The following CDH12 variants were observed in gnomAD, a reference collection of about 807,000 sequenced individuals.
CDH12 encodes cadherin 12.
In CDH12, 41 loss-of-function variants were observed where a neutral mutation model predicts 74.1. That is an observed-to-expected ratio of 0.55 (90% CI 0.43 to 0.72). The LOEUF (loss-of-function observed/expected upper bound fraction) is 0.72, where lower values mean the gene tolerates loss of function less well. CDH12 is among the 30% of genes least tolerant of loss of function. CDH12 has a pLI of 0.00. For missense variants in CDH12, 945 were observed against 977.2 expected (o/e 0.97, Z 0.44); for synonymous variants, 399 against 355.0 (o/e 1.12, Z -1.39).
chr5:22,424,498 TG>T (rs995662962), intron 2 of CDH12, among the ~76,000 whole-genome samples: 1 of 152,158 alleles, frequency 6.6e-6, no homozygotes, highest in African/African-American at 2.4e-5. Context: ...TAAGACCAAC[TG>T]CCACCAGAAA....
intron 6 of CDH12, among the ~76,000 whole-genome samples, chr5:21,856,438 G>T (rs1750757520): frequency 1.3e-5 from 2 of 151,378 alleles, no homozygotes; most frequent in Admixed American, 1.3e-4. Context: ...CTACATGTTG[G>T]GTATATTTGA....
chr5:22,271,223 T>C lies in CDH12; in HGVS notation c.-332-58580A>G, dbSNP rs139016149. Among the ~76,000 whole-genome samples, 613 of 152,252 alleles carry C rather than the reference T, an allele frequency of 4.0e-3. 9 individuals carry two copies. The highest frequency in any genetic ancestry group is 0.014 in the African/African-American group (582 of 41,554). ...AACATTTTCTGTCATCTCAACATTGTTCAAAGCATCTTCACCAGGAGTAGA... is the reference window on the plus strand; with the variant it reads ...AACATTTTCTGTCATCTCAACATTGCTCAAAGCATCTTCACCAGGAGTAGA... On this transcript the variant is annotated intron_variant, in intron 3 of 14. Transcript: ENST00000382254.
chr5:22,135,217 A>G (rs1271892329), intron 4 of CDH12, among the ~76,000 whole-genome samples: 11 of 151,394 alleles, frequency 7.3e-5, no homozygotes, highest in African/African-American at 2.2e-4. Flanking sequence ...AGCAAAAAAA[A>G]AAAAAAAAGA....
At chr5:22,303,459 A>C (rs1737977586) in intron 3 of CDH12, among the ~76,000 whole-genome samples, 1 of 152,146 alleles carries the variant, frequency 6.6e-6, no homozygotes, top group African/African-American at 2.4e-5. Flanking sequence ...TATAATACAC[A>C]AGCTGCCAAT....
At chr5:22,155,045 G>A (rs911420082) in intron 4 of CDH12, among the ~76,000 whole-genome samples, 1 of 152,118 alleles carries the variant, frequency 6.6e-6, no homozygotes, top group African/African-American at 2.4e-5. Context: ...CCTCCAGGCT[G>A]CTATCAGATT....
intron 4 of CDH12, among the ~76,000 whole-genome samples, chr5:22,092,380 T>C (rs1743488256): frequency 6.6e-6 from 1 of 152,134 alleles, no homozygotes; most frequent in Non-Finnish European, 1.5e-5. Flanking sequence ...GACAAGAGAC[T>C]TGTATCTCAA....
intron 4 of CDH12, among the ~76,000 whole-genome samples, chr5:22,185,568 T>C (rs1749896275): frequency 6.6e-6 from 1 of 152,236 alleles, no homozygotes. Context: ...ATTCACAGTG[T>C]GTCCCTTTTC....
intron 5 of CDH12, among the ~76,000 whole-genome samples, chr5:22,023,579 CTATA>C (rs531676415): frequency 4.0e-5 from 6 of 148,406 alleles, no homozygotes; most frequent in Admixed American, 1.3e-4. Context: ...TTCTCTCTCT[CTATA>C]TATATATATA....
chr5:22,122,455 A>G lies in CDH12; in HGVS notation c.-186-43593T>C, dbSNP rs531579975. Among the ~76,000 whole-genome samples, 3 of 152,258 alleles carry G rather than the reference A, an allele frequency of 2.0e-5. No homozygotes were observed. The South Asian group carries it at 6.2e-4, about 32-fold the overall frequency. ...AACAAAACTCTTTTCCTTGGCTTAT[A>G]AGGCCCCACAAGATCTTCCGAAGGA... On this transcript the variant is annotated intron_variant, in intron 4 of 14. Transcript: ENST00000382254.
At chr5:22,604,975 G>T (rs554277307) in intron 1 of CDH12, among the ~76,000 whole-genome samples, 1 of 152,236 alleles carries the variant, frequency 6.6e-6, no homozygotes, top group South Asian at 2.1e-4. Context: ...CTCTCTTCTG[G>T]GCTCCTTGAT....
At chr5:22,115,923 C>T (rs911330945) in intron 4 of CDH12, among the ~76,000 whole-genome samples, 1 of 152,176 alleles carries the variant, frequency 6.6e-6, no homozygotes, top group East Asian at 1.9e-4. Flanking sequence ...ATCTCTTGAC[C>T]TTGTGATCCG....
chr5:21,888,537 A>G (rs1752748460), intron 6 of CDH12, among the ~76,000 whole-genome samples: 1 of 152,142 alleles, frequency 6.6e-6, no homozygotes, highest in Non-Finnish European at 1.5e-5. Context: ...ACATGTATAC[A>G]TATGTAACAA....
At chr5:21,795,520 G>A (rs953468456) in intron 10 of CDH12, among the ~76,000 whole-genome samples, 1 of 151,820 alleles carries the variant, frequency 6.6e-6, no homozygotes, top group Non-Finnish European at 1.5e-5. Context: ...TAAAAATGTA[G>A]AAAAATCTCT....
chr5:22,562,273 C>T (rs1160823575), intron 1 of CDH12, among the ~76,000 whole-genome samples: 1 of 151,932 alleles, frequency 6.6e-6, no homozygotes, highest in Admixed American at 6.6e-5. Flanking sequence ...GCCGAGATCC[C>T]GCCACTGCAC....
At chr5:22,519,655 C>T (rs1736963555) in intron 1 of CDH12, among the ~76,000 whole-genome samples, 5 of 151,996 alleles carry the variant, frequency 3.3e-5, no homozygotes, top group Admixed American at 3.3e-4. Flanking sequence ...GATCTCCTGA[C>T]CTCGTGATCT....
intron 1 of CDH12, among the ~76,000 whole-genome samples, chr5:22,511,839 A>C (rs1164840835): frequency 3.3e-5 from 5 of 152,236 alleles, no homozygotes; most frequent in Admixed American, 3.3e-4. Flanking sequence ...CAGTTATGAC[A>C]ATCAAAAAAT....
At chr5:22,148,358 G>T (rs1338030912) in intron 4 of CDH12, among the ~76,000 whole-genome samples, 1 of 151,748 alleles carries the variant, frequency 6.6e-6, no homozygotes, top group Non-Finnish European at 1.5e-5. Flanking sequence ...ATTATATGTT[G>T]CTACTGTCCA....
At chr5:22,314,941 CTT>C (rs759734847) in intron 3 of CDH12, among the ~76,000 whole-genome samples, 61 of 67,722 alleles carry the variant, frequency 9.0e-4, no homozygotes, top group African/African-American at 3.9e-3. Flanking sequence ...CTGGGTTGGT[CTT>C]TTTTTTTTTT....
At chr5:22,461,262 A>C (rs1396514981) in intron 2 of CDH12, among the ~76,000 whole-genome samples, 1 of 151,672 alleles carries the variant, frequency 6.6e-6, no homozygotes, top group Non-Finnish European at 1.5e-5. Flanking sequence ...TCCTGACCTC[A>C]AGTCATTCAC....
Sources: allele counts gnomAD v4.1 joint callset (sites outside exome capture counted in the v4.1 genomes callset), GRCh38; gene constraint gnomAD v4.1.1; transcripts MANE v1.5; gene names NCBI Gene and HGNC (gene_info 2026-07-23, HGNC 2026-07-21).